Variants in DOCK8 observed in about 807,000 individuals in gnomAD.
The protein encoded by DOCK8 is dedicator of cytokinesis protein 8.
In DOCK8, 141 loss-of-function variants were observed where a neutral mutation model predicts 245.6. That is an observed-to-expected ratio of 0.57 (90% CI 0.50 to 0.66). The LOEUF is 0.66. Ranked by LOEUF, DOCK8 falls within the 30% of genes least tolerant of loss-of-function variation. DOCK8 has a pLI of 0.00. For missense variants in DOCK8, 2,965 were observed against 2,603.4 expected, an observed-to-expected ratio of 1.14 and a Z score of -3.02; for synonymous variants, 1,168 against 970.2, an observed-to-expected ratio of 1.20 and a Z score of -3.79.
Position 273,133 on chromosome 9 carries a change from C to T in DOCK8, c.156+1404C>T, listed in dbSNP as rs187098385. ...TTACTGGAGTGATTTCTGGTTATTT[C>T]AGAAGGATAATTTGTGTGTTGCGTC... is the stretch of plus-strand genomic sequence containing the variant. On this transcript the variant is annotated intron_variant, in intron 2 of 47. Coordinates refer to ENST00000432829, the MANE Select transcript of DOCK8 (RefSeq NM_203447.4). 86 of 926,690 alleles carry T rather than the reference C, an allele frequency of 9.3e-5. No individual in the cohort carries two copies. The African/African-American group carries it at 1.5e-3, about 16-fold the overall frequency. 57.4% of individuals were successfully genotyped at this position (926,690 alleles called of 1,614,324 possible).
intron 14 of DOCK8, among the ~76,000 whole-genome samples, chr9:347,957 C>T (rs1364538056): frequency 2.6e-5 from 4 of 152,230 alleles, no homozygotes; most frequent in African/African-American, 4.8e-5. Context: ...CATATGAAGT[C>T]GTGATTTATG....
chr9:323,366 G>C, intron 7 of DOCK8, among the ~76,000 whole-genome samples: 1 of 151,654 alleles, frequency 6.6e-6, no homozygotes, highest in Non-Finnish European at 1.5e-5. Context: ...TGGGATTACA[G>C]GCACTTGCCA....
chr9:366,434 G>A (rs1319086889), intron 14 of DOCK8: 2 of 152,174 alleles, frequency 1.3e-5, no homozygotes, highest in South Asian at 2.1e-4. Context: ...GTTCTTGATT[G>A]TTCCAATTAT....
intron 44 of DOCK8, among the ~76,000 whole-genome samples, chr9:448,799 C>T (rs2057342102): frequency 6.6e-6 from 1 of 152,194 alleles, no homozygotes; most frequent in Admixed American, 6.5e-5. Context: ...CAAAGAAGGT[C>T]ACATTCTGAG....
Position 420,949 on chromosome 9 carries a change from G to A in DOCK8, c.4024G>A (p.Gly1342Arg), listed in dbSNP as rs2131641405. The A allele has an allele frequency of 6.2e-7, 1 of 1,614,178 alleles. No individual in the cohort carries two copies. Among genetic ancestry groups the A allele is most frequent in the African/African-American group, 1.3e-5 (1 of 75,046 alleles). The change falls in exon 32 of 48, where the codon GGA becomes AGA. Residue 1342 changes from glycine to arginine, a missense_variant and splice_region_variant. This residue lies in a region of DOCK8 where 2,825 missense variants were observed against 2,453.5 expected (regional missense o/e 1.15). Transcript: ENST00000432829. The stretch of plus-strand genomic sequence containing the variant: ...GTCCTCCTACCTCTGTCTTGTCCAG[G>A]GAAAACAGAGTTCTGACAAAGTCAG... ...FICVLCFEYK[G>R]KQSSDKVSTQ...
intron 26 of DOCK8, among the ~76,000 whole-genome samples, chr9:404,560 T>C (rs773734478): frequency 1.3e-5 from 2 of 152,196 alleles, no homozygotes; most frequent in Non-Finnish European, 2.9e-5. Flanking sequence ...ACTCCTTTCA[T>C]TTAGTTTCTC....
At chr9:346,216 C>T (rs1228083865) in intron 14 of DOCK8, among the ~76,000 whole-genome samples, 1 of 152,154 alleles carries the variant, frequency 6.6e-6, no homozygotes, top group Non-Finnish European at 1.5e-5. Context: ...GCGTTCCTTG[C>T]TCTGTGTCCA....
intron 10 of DOCK8, among the ~76,000 whole-genome samples, chr9:333,207 C>G (rs976921648): frequency 1.3e-5 from 2 of 152,212 alleles, no homozygotes; most frequent in African/African-American, 4.8e-5. Flanking sequence ...CTGCCACTAC[C>G]ATGCATTATA....
intron 1 of DOCK8, among the ~76,000 whole-genome samples, chr9:233,672 G>C (rs567931375): frequency 1.3e-5 from 2 of 152,206 alleles, no homozygotes; most frequent in South Asian, 4.2e-4. Flanking sequence ...TGTCTCTTTT[G>C]ATCTTTGTTG....
In DOCK8 at chr9:400,823, A is replaced by T. The variant is rs897346043; in HGVS notation, c.3234+1564A>T. Among the ~76,000 whole-genome samples, 5 of 42,250 alleles carry T rather than the reference A, an allele frequency of 1.2e-4. No individual in the cohort carries two copies. The East Asian group carries it at 2.2e-3, about 19-fold the overall frequency. 27.7% of individuals were successfully genotyped at this position (42,250 alleles called of 152,430 possible). ...CACCTCCACCATCACCACCACCTCC[A>T]CCATCACCATCACCACCACCTCCAC... On this transcript the variant is annotated intron_variant, in intron 26 of 47. Transcript: ENST00000432829.
chr9:242,793 C>T (rs958072138), intron 1 of DOCK8, among the ~76,000 whole-genome samples: 2 of 151,328 alleles, frequency 1.3e-5, no homozygotes, highest in Non-Finnish European at 2.9e-5. Context: ...TGGCCTTCCA[C>T]GGAATCTGTT....
At chr9:376,940 T>C (rs769937035) in intron 19 of DOCK8, 37 bp from the exon 20 acceptor site, 3 of 1,571,486 alleles carry the variant, frequency 1.9e-6, no homozygotes, top group Non-Finnish European at 2.6e-6. Context: ...ACATTGATGG[T>C]ATAAAACCCC....
At chr9:339,761 G>A (rs1428693105) in intron 13 of DOCK8, among the ~76,000 whole-genome samples, 1 of 152,184 alleles carries the variant, frequency 6.6e-6, no homozygotes, top group African/African-American at 2.4e-5. Context: ...TGATCCACCT[G>A]CCTCGGCCTC....
At chr9:242,905 A>C (rs1330607695) in intron 1 of DOCK8, among the ~76,000 whole-genome samples, 1 of 152,132 alleles carries the variant, frequency 6.6e-6, no homozygotes, top group Non-Finnish European at 1.5e-5. Flanking sequence ...TGTCCACTCT[A>C]AACAGTACCA....
chr9:443,743 G>C (rs957006291), intron 43 of DOCK8, among the ~76,000 whole-genome samples: 10 of 152,126 alleles, frequency 6.6e-5, no homozygotes, highest in African/African-American at 2.2e-4. Flanking sequence ...TGTGTACCTG[G>C]AACTGCATTA....
At chr9:330,402 C>G (rs1459467615) in intron 9 of DOCK8, among the ~76,000 whole-genome samples, 1 of 152,100 alleles carries the variant, frequency 6.6e-6, no homozygotes, top group East Asian at 1.9e-4. Context: ...CTTTAGAAGT[C>G]TTGCAGATGT....
intron 28 of DOCK8, among the ~76,000 whole-genome samples, chr9:411,551 C>T (rs1454470054): frequency 6.6e-6 from 1 of 152,126 alleles, no homozygotes; most frequent in Non-Finnish European, 1.5e-5. Flanking sequence ...AACTTCCAGT[C>T]TTCTCTTCCA....
At chr9:343,764 G>T (rs557147018) in intron 14 of DOCK8, among the ~76,000 whole-genome samples, 1 of 152,244 alleles carries the variant, frequency 6.6e-6, no homozygotes, top group East Asian at 1.9e-4. Context: ...GTTTGCTTAT[G>T]GATGCTTTGT....
At chr9:235,643 T>G (rs931184058) in intron 1 of DOCK8, among the ~76,000 whole-genome samples, 1 of 152,228 alleles carries the variant, frequency 6.6e-6, no homozygotes, top group African/African-American at 2.4e-5. Context: ...CCTTGCAGTT[T>G]GATCTCAGAC....
Sources: allele counts gnomAD v4.1 joint callset (sites outside exome capture counted in the v4.1 genomes callset), GRCh38; gene constraint gnomAD v4.1.1; regional missense constraint gnomAD v4.1.1; transcripts MANE v1.5; gene names NCBI Gene and HGNC (gene_info 2026-07-23, HGNC 2026-07-21).